REDIC1: variants seen among roughly 807,000 people sequenced by gnomAD.
REDIC1 encodes the protein regulator of DNA class I crossover intermediates 1, also known as HEI10 Interacting Protein 1.
chr12:39,760,310 G>T, the REDIC1 span: 7 of 1,482,002 alleles, frequency 4.7e-6, no homozygotes, highest in Middle Eastern at 1.8e-4. Flanking sequence ...GCTTAAGTTG[G>T]AAAGATTACT....
the REDIC1 span, among the ~76,000 whole-genome samples, chr12:39,891,723 G>T: frequency 1.3e-5 from 2 of 152,114 alleles, no homozygotes; most frequent in African/African-American, 4.8e-5. Context: ...CATGCCTTAG[G>T]TTAGTGACAG....
the REDIC1 span, chr12:39,626,421 TC>T: frequency 1.2e-6 from 2 of 1,605,246 alleles, no homozygotes; most frequent in Non-Finnish European, 1.7e-6. Context: ...TCTTTCTAGT[TC>T]CTGGCGGAGA....
the REDIC1 span, among the ~76,000 whole-genome samples, chr12:39,753,144 C>G: frequency 6.6e-6 from 1 of 152,142 alleles, no homozygotes. Context: ...TTGTTAAAGA[C>G]TAGACTGCAT....
the REDIC1 span, among the ~76,000 whole-genome samples, chr12:39,704,925 C>T: frequency 5.0e-4 from 75 of 150,872 alleles, no homozygotes; most frequent in African/African-American, 1.5e-3. Context: ...ACTGTTGTGG[C>T]GTGGGGGGAG....
chr12:39,835,980 C>A, the REDIC1 span, among the ~76,000 whole-genome samples: 5 of 151,994 alleles, frequency 3.3e-5, no homozygotes, highest in Non-Finnish European at 7.4e-5. Context: ...GATTAACACC[C>A]AAAATGGAAT....
At chr12:39,869,325 T>C in the REDIC1 span, among the ~76,000 whole-genome samples, 1 of 152,200 alleles carries the variant, frequency 6.6e-6, no homozygotes, top group Non-Finnish European at 1.5e-5. Context: ...AGGACCTATT[T>C]AATCACTGAA....
the REDIC1 span, among the ~76,000 whole-genome samples, chr12:39,761,168 G>A: frequency 6.6e-6 from 1 of 151,954 alleles, no homozygotes; most frequent in African/African-American, 2.4e-5. Flanking sequence ...GGAGTGGGAA[G>A]AACTGAGTTT....
the REDIC1 span, among the ~76,000 whole-genome samples, chr12:39,735,851 G>T: frequency 1.6e-4 from 24 of 152,218 alleles, no homozygotes; most frequent in Non-Finnish European, 3.1e-4. Flanking sequence ...TAAAGGTAGA[G>T]AAATGCTTAT....
chr12:39,699,964 G>A, the REDIC1 span, among the ~76,000 whole-genome samples: 1 of 152,020 alleles, frequency 6.6e-6, no homozygotes, highest in African/African-American at 2.4e-5. Flanking sequence ...AAGACCAAAA[G>A]TAGATAAAAC....
At chr12:39,747,997 G>T in the REDIC1 span, among the ~76,000 whole-genome samples, 1 of 152,170 alleles carries the variant, frequency 6.6e-6, no homozygotes, top group African/African-American at 2.4e-5. Context: ...AGACCATTGA[G>T]GCTAGGAAGA....
chr12:39,674,648 G>T, the REDIC1 span, among the ~76,000 whole-genome samples: 2 of 152,254 alleles, frequency 1.3e-5, no homozygotes, highest in South Asian at 2.1e-4. Context: ...ATGGGAGAAG[G>T]ATTTAACCAT....
the REDIC1 span, among the ~76,000 whole-genome samples, chr12:39,856,404 C>G: frequency 7.6e-3 from 1,160 of 152,296 alleles, 20 homozygotes; most frequent in African/African-American, 0.026. Flanking sequence ...GAGTCTCACT[C>G]TGTCGCCAGG....
the REDIC1 span, among the ~76,000 whole-genome samples, chr12:39,887,969 C>T: frequency 7.9e-5 from 12 of 152,278 alleles, no homozygotes; most frequent in South Asian, 2.1e-4. Context: ...GCCCCTGCTT[C>T]GTATCCCACA....
chr12:39,667,259 A>G, the REDIC1 span, among the ~76,000 whole-genome samples: 1 of 152,130 alleles, frequency 6.6e-6, no homozygotes, highest in African/African-American at 2.4e-5. Context: ...AGATTCTGGT[A>G]TGTTGTGTCT....
the REDIC1 span, among the ~76,000 whole-genome samples, chr12:39,730,458 T>C: frequency 6.6e-6 from 1 of 152,234 alleles, no homozygotes; most frequent in Non-Finnish European, 1.5e-5. Context: ...TTGAAAATTC[T>C]TTTCTTTAAA....
At chr12:39,780,836 A>G in the REDIC1 span, among the ~76,000 whole-genome samples, 1 of 152,204 alleles carries the variant, frequency 6.6e-6, no homozygotes, top group East Asian at 1.9e-4. Flanking sequence ...TAAGGAACTA[A>G]AAGAAATTTT....
the REDIC1 span, chr12:39,626,503 ACT>A: frequency 2.9e-6 from 3 of 1,021,544 alleles, no homozygotes; most frequent in South Asian, 4.8e-5. Context: ...CGGGTTGGAG[ACT>A]CTAGAACCAT....
chr12:39,884,332 CAT>C, the REDIC1 span, among the ~76,000 whole-genome samples: 22 of 152,296 alleles, frequency 1.4e-4, no homozygotes, highest in African/African-American at 2.9e-4. Flanking sequence ...GGAACTTACA[CAT>C]GTCTTCAGAA....
At chr12:39,885,480 G>A in the REDIC1 span, among the ~76,000 whole-genome samples, 1 of 152,136 alleles carries the variant, frequency 6.6e-6, no homozygotes, top group Non-Finnish European at 1.5e-5. Flanking sequence ...CTTCTACAAT[G>A]TGGATGAAGC....
Sources: allele counts gnomAD v4.1 joint callset (sites outside exome capture counted in the v4.1 genomes callset), GRCh38; gene constraint gnomAD v4.1.1; transcripts MANE v1.5; gene names NCBI Gene and HGNC (gene_info 2026-07-23, HGNC 2026-07-21).